The following CADM2 variants were observed in gnomAD, a reference collection of about 807,000 sequenced individuals.
CADM2 encodes the protein cell adhesion molecule 2.
A neutral mutation model predicts 49.8 loss-of-function variants in CADM2; 12 were observed. The observed-to-expected ratio is 0.24, with a 90% CI of 0.15 to 0.39. The LOEUF (loss-of-function observed/expected upper bound fraction) is 0.39. Ranked by LOEUF, CADM2 falls within the 10% of genes least tolerant of loss-of-function variation. The pLI is 1.00. For synonymous variants in CADM2, 214 were observed against 175.4 expected, an observed-to-expected ratio of 1.22 and a Z score of -1.74; for missense variants, 378 against 492.3, an observed-to-expected ratio of 0.77 and a Z score of 2.20.
chr3:85,097,306 A>T (rs1365359939), intron 1 of CADM2, among the ~76,000 whole-genome samples: 2 of 152,138 alleles, frequency 1.3e-5, no homozygotes, highest in African/African-American at 4.8e-5. Context: ...AGTTTCATCC[A>T]TGTCCCTACA....
intron 1 of CADM2, among the ~76,000 whole-genome samples, chr3:85,299,111 T>C (rs1393094902): frequency 6.6e-6 from 1 of 152,084 alleles, no homozygotes; most frequent in African/African-American, 2.4e-5. Flanking sequence ...TTCCTATCTC[T>C]TTTGCTTTAT....
chr3:85,129,086 T>C (rs942408575), intron 1 of CADM2, among the ~76,000 whole-genome samples: 1 of 152,184 alleles, frequency 6.6e-6, no homozygotes, highest in Non-Finnish European at 1.5e-5. Flanking sequence ...TCAAGTTATA[T>C]GTATTGCAGT....
Position 86,074,289 on chromosome 3 carries a change from G to A in CADM2, c.*7506G>A, listed in dbSNP as rs1703426117. ...TCTTTGGAAGTTCACTTACCATAAA[G>A]TATTTTATAGTCTACTTTAAATAAC... On this transcript the variant is annotated 3_prime_UTR_variant, in exon 10 of 10. Transcript: ENST00000383699. The A allele has an allele frequency of 1.3e-5, 2 of 151,858 alleles. No homozygotes were observed. The highest frequency in any genetic ancestry group is 2.1e-4 in the South Asian group (1 of 4,828). 9.4% of individuals were successfully genotyped at this position (151,858 alleles called of 1,614,324 possible).
intron 8 of CADM2, among the ~76,000 whole-genome samples, chr3:86,022,163 C>T (rs183919881): frequency 2.4e-4 from 37 of 152,174 alleles, no homozygotes; most frequent in African/African-American, 8.7e-4. Context: ...TGAATCTTTA[C>T]AAATACACAT....
At chr3:85,429,329 A>G (rs2036562977) in intron 1 of CADM2, among the ~76,000 whole-genome samples, 1 of 152,156 alleles carries the variant, frequency 6.6e-6, no homozygotes, top group African/African-American at 2.4e-5. Context: ...CCGCACGATG[A>G]AAACAATTGC....
At chr3:85,947,427 A>T (rs1263512470) in intron 7 of CADM2, among the ~76,000 whole-genome samples, 1 of 151,332 alleles carries the variant, frequency 6.6e-6, no homozygotes, top group African/African-American at 2.4e-5. Context: ...TTGTGTTCTG[A>T]TATATAGAGA....
chr3:85,738,389 A>G (rs978095559), intron 2 of CADM2, among the ~76,000 whole-genome samples: 1 of 152,170 alleles, frequency 6.6e-6, no homozygotes, highest in African/African-American at 2.4e-5. Context: ...AAACTGAGGG[A>G]TTAATTTAGA....
intron 1 of CADM2, among the ~76,000 whole-genome samples, chr3:85,380,804 C>G (rs1401265419): frequency 1.3e-5 from 2 of 151,716 alleles, no homozygotes; most frequent in African/African-American, 4.8e-5. Flanking sequence ...AATATAATTA[C>G]TAAGATCACA....
At chr3:85,230,543 T>C (rs1421489980) in intron 1 of CADM2, among the ~76,000 whole-genome samples, 1 of 152,204 alleles carries the variant, frequency 6.6e-6, no homozygotes, top group Admixed American at 6.5e-5. Flanking sequence ...AATTAGGTCA[T>C]TATCCAGTTG....
intron 1 of CADM2, among the ~76,000 whole-genome samples, chr3:85,217,094 G>A (rs900906115): frequency 2.6e-5 from 4 of 151,814 alleles, no homozygotes. Context: ...AATATTAAGT[G>A]ATTGGTCATA....
chr3:85,468,172 AAAAAAAAAAC>A (rs1353242177), intron 1 of CADM2, among the ~76,000 whole-genome samples: 1 of 151,366 alleles, frequency 6.6e-6, no homozygotes, highest in African/African-American at 2.4e-5. Flanking sequence ...AAAAAAAAAA[AAAAAAAAAAC>A]ATTGAGGCAG....
intron 8 of CADM2, among the ~76,000 whole-genome samples, chr3:86,027,315 G>T (rs933037915): frequency 1.3e-5 from 2 of 151,972 alleles, no homozygotes; most frequent in Non-Finnish European, 2.9e-5. Context: ...ATTGCATACC[G>T]TATATTGGAA....
intron 8 of CADM2, among the ~76,000 whole-genome samples, chr3:86,039,287 G>A (rs1258277207): frequency 1.3e-5 from 2 of 152,092 alleles, no homozygotes; most frequent in Non-Finnish European, 2.9e-5. Flanking sequence ...CACCTGGGAA[G>A]TGAAAGGGGT....
intron 1 of CADM2, among the ~76,000 whole-genome samples, chr3:85,242,473 C>T (rs2042553510): frequency 6.6e-6 from 1 of 151,568 alleles, no homozygotes; most frequent in Admixed American, 6.6e-5. Flanking sequence ...TTCAAGTCTA[C>T]TGACCATATA....
intron 1 of CADM2, among the ~76,000 whole-genome samples, chr3:84,996,254 G>C (rs905577546): frequency 1.3e-5 from 2 of 152,054 alleles, no homozygotes; most frequent in Admixed American, 6.6e-5. Context: ...CATTAAAATA[G>C]TAGCAAATGG....
At chr3:85,393,663 C>T (rs969505299) in intron 1 of CADM2, among the ~76,000 whole-genome samples, 1 of 152,032 alleles carries the variant, frequency 6.6e-6, no homozygotes, top group Non-Finnish European at 1.5e-5. Flanking sequence ...TTGAACTTGT[C>T]TTTAAAGTGC....
At chr3:86,052,501 A>G (rs1026723406) in intron 8 of CADM2, among the ~76,000 whole-genome samples, 5 of 152,154 alleles carry the variant, frequency 3.3e-5, no homozygotes, top group Admixed American at 2.0e-4. Context: ...TTTGGCCTAT[A>G]AGGTTCTGTG....
At chr3:85,022,889 C>CT (rs1327318630) in intron 1 of CADM2, among the ~76,000 whole-genome samples, 2 of 151,920 alleles carry the variant, frequency 1.3e-5, no homozygotes, top group Non-Finnish European at 2.9e-5. Flanking sequence ...TATATTAGAC[C>CT]TTTTTCTTAT....
chr3:85,955,232 A>G (rs1332816702), intron 7 of CADM2, among the ~76,000 whole-genome samples: 1 of 151,472 alleles, frequency 6.6e-6, no homozygotes, highest in Non-Finnish European at 1.5e-5. Context: ...AAGTAAGTTT[A>G]ATTTTCATAG....
Sources: allele counts gnomAD v4.1 joint callset (sites outside exome capture counted in the v4.1 genomes callset), GRCh38; gene constraint gnomAD v4.1.1; transcripts MANE v1.5; gene names NCBI Gene and HGNC (gene_info 2026-07-23, HGNC 2026-07-21).